Variants in PGM5 observed in about 807,000 individuals in gnomAD.
PGM5 encodes the protein phosphoglucomutase 5, also known as phosphoglucomutase-like protein 5.
PGM5 carries 23 observed loss-of-function variants against 59.2 expected under a neutral mutation model. That is an observed-to-expected ratio of 0.39 (90% CI 0.28 to 0.55). The LOEUF (loss-of-function observed/expected upper bound fraction) is 0.55, where lower values mean the gene tolerates loss of function less well. Ranked by LOEUF, PGM5 falls within the 20% of genes least tolerant of loss-of-function variation. The pLI, the probability that PGM5 is intolerant of heterozygous loss-of-function variation, is 0.66. For missense variants in PGM5, 574 were observed against 748.3 expected (o/e 0.77, Z 2.72); for synonymous variants, 214 against 286.0 (o/e 0.75, Z 2.54).
chr9:68,401,346 C>T lies in PGM5; in HGVS notation c.1043+8873C>T, dbSNP rs1181992610. On this transcript the variant is annotated intron_variant, in intron 6 of 10. Transcript: ENST00000396396. The stretch of plus-strand genomic sequence containing the variant: ...TCACTCTCCCATGAGAACTGAAAGA[C>T]GAACCTTTTTTGGAAGTCAGCTCTC... 2.2e-3 allele frequency among the ~76,000 whole-genome samples: 332 copies of T among 151,104 alleles called. 1 individual carries two copies. Among genetic ancestry groups the T allele is most frequent in the African/African-American group, 7.4e-3 (307 of 41,262 alleles).
intron 10 of PGM5, among the ~76,000 whole-genome samples, chr9:68,523,697 G>A (rs1366120828): frequency 6.6e-6 from 1 of 152,048 alleles, no homozygotes; most frequent in Non-Finnish European, 1.5e-5. Flanking sequence ...TGCCTGCCCC[G>A]AAAGATGAAC....
intron 7 of PGM5, among the ~76,000 whole-genome samples, chr9:68,475,145 C>A (rs1824083337): frequency 6.7e-6 from 1 of 150,034 alleles, no homozygotes; most frequent in South Asian, 2.1e-4. Context: ...TCCCAAGTAG[C>A]AGGGATTACA....
intron 1 of PGM5, 37 bp downstream of exon 1, chr9:68,357,425 G>A (rs782634508): frequency 2.6e-6 from 4 of 1,544,060 alleles, no homozygotes; most frequent in Middle Eastern, 2.3e-4. Context: ...CCGCCGCGCC[G>A]CCGCCATGCC....
Position 68,483,899 on chromosome 9 carries a change from T to C in PGM5, c.1330T>C (p.Tyr444His), listed in dbSNP as rs782474795. The C allele has an allele frequency of 1.2e-6, 2 of 1,614,152 alleles. No individual in the cohort carries two copies. Among genetic ancestry groups the C allele is most frequent in the South Asian group, 1.1e-5 (1 of 91,080 alleles). Residue 444 changes from tyrosine to histidine, a missense_variant, in exon 9 of 11, where the codon TAT (tyrosine) becomes CAT (histidine). By Grantham distance (83) the Tyr-to-His change is moderately conservative. Coordinates refer to ENST00000396396, the MANE Select transcript of PGM5 (RefSeq NM_021965.4). ...DYEGLDPKTT[Y>H]YIMRDLEALV... ...TGAGGGGTTGGATCCCAAGACGACA[T>C]ATTATATCATGAGGGACCTGGAGGC... is the stretch of plus-strand genomic sequence containing the variant.
intron 6 of PGM5, 22 bp downstream of exon 6, chr9:68,392,495 A>T (rs548881676): frequency 6.2e-7 from 1 of 1,609,154 alleles, no homozygotes; most frequent in Non-Finnish European, 8.5e-7. Flanking sequence ...TGTCACCGTG[A>T]AAAACTTTAT....
intron 9 of PGM5, among the ~76,000 whole-genome samples, chr9:68,489,575 G>T (rs1554687761): frequency 6.7e-6 from 1 of 149,294 alleles, no homozygotes; most frequent in African/African-American, 2.5e-5. Flanking sequence ...AGCGATTCTT[G>T]TGCCTCAGCC....
intron 1 of PGM5, among the ~76,000 whole-genome samples, chr9:68,360,004 A>C (rs1554676159): frequency 6.6e-6 from 1 of 151,880 alleles, no homozygotes; most frequent in Admixed American, 6.6e-5. Context: ...GCCACTATGC[A>C]CAGCTGATTT....
chr9:68,391,807 T>C, intron 5 of PGM5, 83 bp downstream of exon 5: 1 of 1,390,080 alleles, frequency 7.2e-7, no homozygotes, highest in Non-Finnish European at 9.9e-7. Flanking sequence ...AATGAACACA[T>C]CTGGAGCTAA....
chr9:68,372,990 G>A (rs3870985), intron 1 of PGM5, among the ~76,000 whole-genome samples: 1 of 151,916 alleles, frequency 6.6e-6, no homozygotes, highest in Non-Finnish European at 1.5e-5. Flanking sequence ...CTAACACTGA[G>A]GATTACATTT....
At position 68,479,481 on chromosome 9, in the gene PGM5, C is replaced by G; in HGVS notation, c.1223C>G (p.Ala408Gly). ...GTCTTGGTCTGGCTCTCCATTATTGCTGCCCGGAAGCAGAGTGTGGAGGAA... is the reference window on the plus strand; with the variant it reads ...GTCTTGGTCTGGCTCTCCATTATTGGTGCCCGGAAGCAGAGTGTGGAGGAA... ...WAVLVWLSII[A>G]ARKQSVEEIV... Residue 408 changes from alanine to glycine, a missense_variant, in exon 8 of 11, where the codon GCT becomes GGT. Physicochemically the swap from Ala to Gly is moderately conservative, Grantham distance 60. Around this residue, in one of 7 missense-constraint regions of PGM5, gnomAD observed 300 missense variants for 280.0 expected, o/e 1.07. Transcript: ENST00000396396. 2 of 1,613,930 alleles carry G rather than the reference C, an allele frequency of 1.2e-6. No homozygotes were observed. Among genetic ancestry groups the G allele is most frequent in the South Asian group, 1.1e-5 (1 of 91,060 alleles).
chr9:68,497,424 G>A (rs1554688245), intron 9 of PGM5: 1 of 152,148 alleles, frequency 6.6e-6, no homozygotes, highest in African/African-American at 2.4e-5. Flanking sequence ...GCTCCCTTTG[G>A]TTACACAAAT....
At chr9:68,455,177 A>G (rs1202924031) in intron 6 of PGM5, among the ~76,000 whole-genome samples, 1 of 152,240 alleles carries the variant, frequency 6.6e-6, no homozygotes, top group Non-Finnish European at 1.5e-5. Flanking sequence ...GATCAGAGTT[A>G]CACGATGAAA....
intron 10 of PGM5, among the ~76,000 whole-genome samples, chr9:68,520,000 G>A (rs1304082512): frequency 1.3e-5 from 2 of 150,898 alleles, no homozygotes; most frequent in Admixed American, 6.6e-5. Context: ...TGAGGTGAGA[G>A]GATTGCTCAA....
intron 6 of PGM5, among the ~76,000 whole-genome samples, chr9:68,433,799 A>G (rs782559429): frequency 1.9e-4 from 29 of 152,388 alleles, no homozygotes; most frequent in South Asian, 2.1e-4. Context: ...AATCAAATAC[A>G]TAAATAAAAT....
intron 9 of PGM5, among the ~76,000 whole-genome samples, chr9:68,494,512 AG>A (rs1326630726): frequency 1.3e-5 from 2 of 152,238 alleles, no homozygotes; most frequent in Non-Finnish European, 2.9e-5. Context: ...AGAATCACCC[AG>A]AAAGCTTTTA....
rs192230750 is a variant in PGM5 at position 68,481,174 on chromosome 9, A to G, written c.1295+1621A>G. Among the ~76,000 whole-genome samples the G allele has an allele frequency of 8.5e-5, 13 of 152,364 alleles. No individual in the cohort carries two copies. In the South Asian group the frequency reaches 2.3e-3, roughly 27 times the overall value. ...AAGGTGATTATTTCTTCTGTTAAGA[A>G]GACTTTTACTTAGATATGTATCAGA... On this transcript the variant is annotated intron_variant, in intron 8 of 10. Transcript: ENST00000396396.
At chr9:68,366,296 A>C (rs561515329) in intron 1 of PGM5, among the ~76,000 whole-genome samples, 2 of 152,146 alleles carry the variant, frequency 1.3e-5, no homozygotes, top group African/African-American at 4.8e-5. Flanking sequence ...GAAAAAATCT[A>C]TATGTTCAAC....
rs182080316 is a variant in PGM5, at chr9:68,379,619, G to A, written c.424+1258G>A. Among the ~76,000 whole-genome samples, 160 of 152,132 alleles carry A rather than the reference G, an allele frequency of 1.1e-3. 1 individual carries two copies. Among genetic ancestry groups the A allele is most frequent in the African/African-American group, 3.5e-3 (144 of 41,504 alleles). On this transcript the variant is annotated intron_variant, in intron 2 of 10. Transcript: ENST00000396396. ...TTTACTATCAATAATAACCTTGCTG[G>A]TACATGGGTTAAACTCTCCAATCAA...
chr9:68,521,959 G>A (rs1164658040), intron 10 of PGM5, among the ~76,000 whole-genome samples: 1 of 152,110 alleles, frequency 6.6e-6, no homozygotes, highest in Non-Finnish European at 1.5e-5. Context: ...GCTCACATTT[G>A]AATAAGAATA....
Sources: allele counts gnomAD v4.1 joint callset (sites outside exome capture counted in the v4.1 genomes callset), GRCh38; gene constraint gnomAD v4.1.1; regional missense constraint gnomAD v4.1.1; transcripts MANE v1.5; gene names NCBI Gene and HGNC (gene_info 2026-07-23, HGNC 2026-07-21).